STAU1: variants seen among roughly 807,000 people sequenced by gnomAD.
The protein encoded by STAU1 is staufen double-stranded RNA binding protein 1, also known as double-stranded RNA-binding protein Staufen homolog 1.
A neutral mutation model predicts 62.9 loss-of-function variants in STAU1; 13 were observed. The observed-to-expected ratio is 0.21, with a 90% CI of 0.13 to 0.33. The LOEUF (loss-of-function observed/expected upper bound fraction) is 0.33, where lower values mean the gene tolerates loss of function less well. STAU1 is among the 10% of genes least tolerant of loss of function. The pLI is 1.00. For missense variants in STAU1, 571 were observed against 712.1 expected (o/e 0.80, Z 2.25); for synonymous variants, 269 against 265.1 (o/e 1.01, Z -0.14).
chr20:49,149,290 A>ACACACG (rs57664395), intron 5 of STAU1, among the ~76,000 whole-genome samples: 1 of 147,324 alleles, frequency 6.8e-6, no homozygotes, highest in African/African-American at 2.5e-5. Flanking sequence ...ACACACACAC[A>ACACACG]CCAGCAAGAA....
intron 3 of STAU1, among the ~76,000 whole-genome samples, chr20:49,159,378 A>T (rs348268): frequency 0.12 from 18,746 of 152,112 alleles, 1,813 homozygotes; most frequent in African/African-American, 0.28. Flanking sequence ...GTAAAAAGAA[A>T]ATATGCGGTT....
At chr20:49,208,933 T>C in the STAU1 span, among the ~76,000 whole-genome samples, 1 of 149,842 alleles carries the variant, frequency 6.7e-6, no homozygotes, top group Admixed American at 6.7e-5. Context: ...ATCCTGTCTT[T>C]TTTTTTTATT....
At chr20:49,130,178 T>C (rs1001439202) in intron 6 of STAU1, among the ~76,000 whole-genome samples, 4 of 152,154 alleles carry the variant, frequency 2.6e-5, no homozygotes, top group Admixed American at 2.6e-4. Flanking sequence ...GCATGAATAA[T>C]GACTCCAAGC....
intron 1 of STAU1, among the ~76,000 whole-genome samples, chr20:49,183,764 AG>A (rs1027506552): frequency 6.6e-6 from 1 of 152,148 alleles, no homozygotes; most frequent in Non-Finnish European, 1.5e-5. Context: ...TCTTAACATA[AG>A]GGGTAGGTTC....
Position 49,135,842 on chromosome 20 carries a change from C to T in STAU1, c.600G>A (p.Val200=), listed in dbSNP as rs570049600. The T allele has an allele frequency of 5.6e-6, 9 of 1,612,482 alleles. No individual in the cohort carries two copies. In the East Asian group the frequency reaches 1.8e-4, roughly 32 times the overall value. ...FEIALKRNLP[V]NFEVARESGP... ...TGTAAAATTAGCTTACCTCGAAATT[C>T]ACAGGCAAGTTCCGTTTAAGTGCAA... Residue 200 remains valine, a synonymous_variant, in exon 6 of 14, where the codon GTG becomes GTA. Transcript: ENST00000371856.
intron 6 of STAU1, among the ~76,000 whole-genome samples, chr20:49,130,225 A>G (rs1467330273): frequency 1.3e-5 from 2 of 152,152 alleles, no homozygotes; most frequent in African/African-American, 2.4e-5. Context: ...AATATACTCT[A>G]TTTTCCATTT....
intron 5 of STAU1, among the ~76,000 whole-genome samples, chr20:49,137,381 C>T (rs1371047626): frequency 6.6e-6 from 1 of 152,152 alleles, no homozygotes; most frequent in African/African-American, 2.4e-5. Flanking sequence ...AAGGATCTTA[C>T]TTCTGCGTGC....
the STAU1 span, among the ~76,000 whole-genome samples, chr20:49,209,014 C>T: frequency 1.3e-5 from 2 of 151,850 alleles, no homozygotes; most frequent in Admixed American, 1.3e-4. Context: ...CAGCTCACTG[C>T]AACCTCTGCC....
Position 49,117,308 on chromosome 20 carries a change from G to A in STAU1, c.1510-60C>T, listed in dbSNP as rs2092352041. 4.4e-6 allele frequency: 7 copies of A among 1,590,374 alleles called. No individual in the cohort carries two copies. The Admixed American group carries it at 6.8e-5, about 15-fold the overall frequency. On this transcript the variant is annotated intron_variant, in intron 11 of 13. Transcript: ENST00000371856. This position sits in a 1 kb window ranked among gnomAD's most constrained non-coding sequence, Gnocchi z 4.6. ...AACAGCAAGTATGAGTGGGCTGGAG[G>A]GCTGCAGCTCCAGGCCCCACAAGCA...
At chr20:49,149,142 T>A (rs1198626732) in intron 5 of STAU1, among the ~76,000 whole-genome samples, 2 of 152,034 alleles carry the variant, frequency 1.3e-5, no homozygotes, top group Non-Finnish European at 2.9e-5. Context: ...TCCCAGCTAC[T>A]CAGGAAGCTG....
intron 5 of STAU1, among the ~76,000 whole-genome samples, chr20:49,147,802 G>A (rs2093160563): frequency 6.6e-6 from 1 of 152,300 alleles, no homozygotes. Flanking sequence ...GGTCCTCCAA[G>A]GAATTTTAAG....
chr20:49,156,064 T>C (rs17378391), intron 3 of STAU1, among the ~76,000 whole-genome samples: 31,904 of 152,122 alleles, frequency 0.21, 3,431 homozygotes, highest in Non-Finnish European at 0.23. Context: ...TACTACCTGC[T>C]GGCTTGTATT....
the STAU1 span, among the ~76,000 whole-genome samples, chr20:49,214,959 AG>A: frequency 6.6e-6 from 1 of 152,348 alleles, no homozygotes; most frequent in East Asian, 1.9e-4. Context: ...ACAAAACAAC[AG>A]TGGTTTCAAC....
At chr20:49,196,110 C>G in the STAU1 span, among the ~76,000 whole-genome samples, 3 of 114,876 alleles carry the variant, frequency 2.6e-5, no homozygotes, top group Non-Finnish European at 5.4e-5. Flanking sequence ...GGCGACAAAG[C>G]AAGACTCCAT....
At chr20:49,175,463 T>C (rs1224156135) in intron 1 of STAU1, among the ~76,000 whole-genome samples, 1 of 152,152 alleles carries the variant, frequency 6.6e-6, no homozygotes, top group African/African-American at 2.4e-5. Flanking sequence ...GAATATCTCA[T>C]AATGTTTAGG....
chr20:49,199,762 CGGG>C, the STAU1 span, among the ~76,000 whole-genome samples: 1 of 151,632 alleles, frequency 6.6e-6, no homozygotes, highest in Admixed American at 6.6e-5. Context: ...TTAGTAGAGA[CGGG>C]GTTTCACCAC....
chr20:49,173,180 G>A (rs1000676280), intron 2 of STAU1, among the ~76,000 whole-genome samples: 4 of 150,042 alleles, frequency 2.7e-5, no homozygotes, highest in African/African-American at 7.3e-5. Flanking sequence ...GCATTAGGCC[G>A]GGCACAGTGG....
rs372655155 is a variant in STAU1 at position 49,163,814 on chromosome 20, G to C, written c.205+2183C>G. ...CAGTCTCAGTCTGTTGCCCAGGCTG[G>C]AGTAAGACAGCACGATCACAGTTCA... On this transcript the variant is annotated intron_variant, in intron 3 of 13. Coordinates refer to ENST00000371856, the MANE Select transcript of STAU1 (RefSeq NM_017453.4). Among the ~76,000 whole-genome samples the C allele has an allele frequency of 1.2e-3, 184 of 152,208 alleles. 1 individual carries two copies. The highest frequency in any genetic ancestry group is 4.1e-3 in the African/African-American group (171 of 41,560).
intron 5 of STAU1, among the ~76,000 whole-genome samples, chr20:49,144,735 C>T (rs1356760252): frequency 6.6e-6 from 1 of 152,096 alleles, no homozygotes; most frequent in African/African-American, 2.4e-5. Flanking sequence ...AATGCAATAG[C>T]CTAGGCAAGG....
Sources: gnomAD v4.1 joint callset for allele counts (sites outside exome capture counted in the v4.1 genomes callset) on GRCh38, gnomAD v4.1.1 for gene constraint, Gnocchi (gnomAD v3.1) non-coding constraint, MANE v1.5 for transcripts, NCBI Gene and HGNC (gene_info 2026-07-23, HGNC 2026-07-21) for gene names.